Variants in KLF17 observed in about 807,000 individuals in gnomAD.
KLF17 encodes the protein KLF transcription factor 17.
In KLF17, 31 loss-of-function variants were observed where a neutral mutation model predicts 34.2. That is an observed-to-expected ratio of 0.91 (90% CI 0.68 to 1.22). The LOEUF (loss-of-function observed/expected upper bound fraction) is 1.22, where lower values mean the gene tolerates loss of function less well. Among genes scored for constraint, KLF17 ranks in the 50% most tolerant of loss-of-function variants. KLF17 has a pLI of 0.00. For missense variants in KLF17, 478 were observed against 505.2 expected (o/e 0.95, Z 0.52); for synonymous variants, 179 against 186.7 (o/e 0.96, Z 0.34).
chr1:44,095,064 C>A, the KLF17 span, among the ~76,000 whole-genome samples: 5 of 151,796 alleles, frequency 3.3e-5, no homozygotes, highest in Non-Finnish European at 7.4e-5. Context: ...CCATACCTGG[C>A]TAATTTTTTT....
the KLF17 span, chr1:44,069,864 C>T: frequency 0.13 from 19,685 of 152,214 alleles, 1,483 homozygotes; most frequent in African/African-American, 0.21. This position sits in a 1 kb window ranked among gnomAD's most constrained non-coding sequence, Gnocchi z 4.7. Flanking sequence ...CTTTTCCCTG[C>T]TCTTGTCCAA....
chr1:44,095,811 G>GT, the KLF17 span, among the ~76,000 whole-genome samples: 47,920 of 149,176 alleles, frequency 0.32, 7,746 homozygotes, highest in South Asian at 0.37. Flanking sequence ...CTTTCTTGGG[G>GT]TTTTTTTTTC....
At chr1:44,125,680 C>T (rs1162481944) in intron 1 of KLF17, among the ~76,000 whole-genome samples, 1 of 152,186 alleles carries the variant, frequency 6.6e-6, no homozygotes, top group African/African-American at 2.4e-5. Flanking sequence ...GTTGGCCAGG[C>T]TGGCCTTGAA....
the KLF17 span, among the ~76,000 whole-genome samples, chr1:44,109,953 G>C: frequency 7.0e-6 from 1 of 143,362 alleles, no homozygotes; most frequent in East Asian, 2.0e-4. Flanking sequence ...TGTCACCCAG[G>C]CTGGAGTGCA....
the KLF17 span, among the ~76,000 whole-genome samples, chr1:44,077,660 G>A: frequency 6.6e-6 from 1 of 152,164 alleles, no homozygotes; most frequent in Non-Finnish European, 1.5e-5. Context: ...CTCAGCTGGG[G>A]CAACTGGCTA....
At chr1:44,099,924 AAGGG>A in the KLF17 span, among the ~76,000 whole-genome samples, 78 of 67,082 alleles carry the variant, frequency 1.2e-3, 2 homozygotes, top group South Asian at 0.025. Context: ...AAAGAAAAGA[AAGGG>A]AGGGAGGGAG....
At chr1:44,124,319 C>T (rs962643600) in intron 1 of KLF17, among the ~76,000 whole-genome samples, 4 of 150,216 alleles carry the variant, frequency 2.7e-5, no homozygotes, top group African/African-American at 7.4e-5. Context: ...AACACAATTT[C>T]CTTTTGTATA....
At chr1:44,067,608 C>G in the KLF17 span, among the ~76,000 whole-genome samples, 2 of 152,240 alleles carry the variant, frequency 1.3e-5, no homozygotes, top group Non-Finnish European at 2.9e-5. Flanking sequence ...AATTATACCA[C>G]AGAATTTGTT....
chr1:44,090,912 CCACACACACACACATGCACACG>C, the KLF17 span, among the ~76,000 whole-genome samples: 12 of 150,342 alleles, frequency 8.0e-5, no homozygotes, highest in African/African-American at 2.7e-4. Flanking sequence ...ACAATTCCCA[CCACACACACACACATGCACACG>C]CACACACACA....
the KLF17 span, among the ~76,000 whole-genome samples, chr1:44,062,100 A>C: frequency 6.6e-6 from 1 of 152,140 alleles, no homozygotes; most frequent in African/African-American, 2.4e-5. Flanking sequence ...TGAAGCCAAG[A>C]ATCTTCCTGG....
intron 1 of KLF17, among the ~76,000 whole-genome samples, chr1:44,124,329 A>G (rs2087982369): frequency 6.9e-6 from 1 of 145,366 alleles, no homozygotes; most frequent in African/African-American, 2.6e-5. Flanking sequence ...CCTTTTGTAT[A>G]TATTCTTTTT....
chr1:44,126,409 A>G (rs1187684227), intron 1 of KLF17, among the ~76,000 whole-genome samples: 1 of 152,226 alleles, frequency 6.6e-6, no homozygotes, highest in Non-Finnish European at 1.5e-5. Context: ...ATCGGTAGCT[A>G]CTACCTACCT....
At chr1:44,126,001 C>T (rs2088003112) in intron 1 of KLF17, among the ~76,000 whole-genome samples, 1 of 148,984 alleles carries the variant, frequency 6.7e-6, no homozygotes, top group Non-Finnish European at 1.5e-5. Context: ...AGTTGGAGGA[C>T]AAGGTTTTTT....
intron 1 of KLF17, among the ~76,000 whole-genome samples, chr1:44,124,706 G>A (rs2087988488): frequency 6.6e-6 from 1 of 152,008 alleles, no homozygotes; most frequent in Non-Finnish European, 1.5e-5. Flanking sequence ...ATGTTGGCCA[G>A]GCTTGTCTCG....
the KLF17 span, among the ~76,000 whole-genome samples, chr1:44,064,739 A>G: frequency 1.3e-5 from 2 of 152,246 alleles, no homozygotes; most frequent in Non-Finnish European, 2.9e-5. Flanking sequence ...ACCATTCAAG[A>G]TACAGGTTCA....
At chr1:44,098,964 G>A in the KLF17 span, among the ~76,000 whole-genome samples, 1 of 150,774 alleles carries the variant, frequency 6.6e-6, no homozygotes, top group Non-Finnish European at 1.5e-5. Context: ...CTGGCCTCAA[G>A]AGATATGCCA....
the KLF17 span, among the ~76,000 whole-genome samples, chr1:44,102,565 TACACACAC>T: frequency 0.034 from 3,073 of 89,320 alleles, 62 homozygotes; most frequent in African/African-American, 0.07. Context: ...CACATACACA[TACACACAC>T]ACACACACAC....
the KLF17 span, among the ~76,000 whole-genome samples, chr1:44,057,068 A>G: frequency 1.3e-5 from 2 of 152,140 alleles, no homozygotes; most frequent in Admixed American, 6.5e-5. Flanking sequence ...CTCAAAGATG[A>G]GCCCCTGCCT....
the KLF17 span, among the ~76,000 whole-genome samples, chr1:44,082,566 G>A: frequency 1.3e-5 from 2 of 152,210 alleles, no homozygotes; most frequent in Non-Finnish European, 2.9e-5. Flanking sequence ...GGTTCCCTGA[G>A]AACAGATTCA....
Sources: allele counts gnomAD v4.1 joint callset (sites outside exome capture counted in the v4.1 genomes callset), GRCh38; gene constraint gnomAD v4.1.1; non-coding constraint Gnocchi (gnomAD v3.1); transcripts MANE v1.5; gene names NCBI Gene and HGNC (gene_info 2026-07-23, HGNC 2026-07-21).